Variants in ST18 observed in about 807,000 individuals in gnomAD.
The protein encoded by ST18 is suppression of tumorigenicity 18 protein.
ST18 carries 50 observed loss-of-function variants against 110.0 expected under a neutral mutation model. The observed-to-expected ratio is 0.45, with a 90% CI of 0.36 to 0.58. The LOEUF is 0.58. Ranked by LOEUF, ST18 falls within the 20% of genes least tolerant of loss-of-function variation. The pLI is 0.00. For missense variants in ST18, 1,306 were observed against 1,280.1 expected (o/e 1.02, Z -0.31); for synonymous variants, 461 against 452.4 (o/e 1.02, Z -0.24).
chr8:52,408,552 G>C (rs770796647), intron 2 of ST18, among the ~76,000 whole-genome samples: 2 of 152,190 alleles, frequency 1.3e-5, no homozygotes, highest in Non-Finnish European at 2.9e-5. Flanking sequence ...CTAACGTTAT[G>C]TGTATATATT....
chr8:52,375,741 C>T (rs1832082738), intron 2 of ST18, among the ~76,000 whole-genome samples: 1 of 152,188 alleles, frequency 6.6e-6, no homozygotes, highest in African/African-American at 2.4e-5. Flanking sequence ...GCACTCCACA[C>T]TCACATCGAC....
At chr8:52,136,445 G>T in intron 19 of ST18, 145 bp downstream of exon 19, 1 of 718,352 alleles carries the variant, frequency 1.4e-6, no homozygotes, top group Non-Finnish European at 2.4e-6. Flanking sequence ...TCATCCCAGC[G>T]CTTTAGTCAG....
At chr8:52,219,023 C>T (rs2136276222) in intron 5 of ST18, among the ~76,000 whole-genome samples, 1 of 152,088 alleles carries the variant, frequency 6.6e-6, no homozygotes, top group Admixed American at 6.5e-5. Flanking sequence ...ATGGCTAGGC[C>T]CAGACCACCA....
intron 3 of ST18, among the ~76,000 whole-genome samples, chr8:52,225,591 C>A (rs78357199): frequency 5.3e-5 from 8 of 152,188 alleles, no homozygotes; most frequent in African/African-American, 1.9e-4. Context: ...GTTTTATCAG[C>A]AGCAAGCAGG....
rs528993649 is a variant in ST18 at position 52,178,465 on chromosome 8, A to G, written c.277+1657T>C. 8.5e-4 allele frequency among the ~76,000 whole-genome samples: 129 copies of G among 151,772 alleles called. No individual in the cohort carries two copies. In the Middle Eastern group the frequency reaches 0.01, roughly 12 times the overall value. ...AACATAGTGAAACCCTGTCTCTACC[A>G]AAAATACAAAAATTAGCTGGGTGTG... is the stretch of plus-strand genomic sequence containing the variant. On this transcript the variant is annotated intron_variant, in intron 9 of 25. Coordinates refer to ENST00000689386, the MANE Select transcript of ST18 (RefSeq NM_001352837.2).
intron 2 of ST18, among the ~76,000 whole-genome samples, chr8:52,347,241 A>G (rs900776954): frequency 6.6e-6 from 1 of 152,264 alleles, no homozygotes; most frequent in Non-Finnish European, 1.5e-5. Flanking sequence ...TTATGATGAC[A>G]TAAAATATAA....
chr8:52,375,857 C>A (rs998841097), intron 2 of ST18, among the ~76,000 whole-genome samples: 2 of 152,142 alleles, frequency 1.3e-5, no homozygotes, highest in African/African-American at 2.4e-5. Context: ...TTCACCAGCT[C>A]CACCCACAGC....
At chr8:52,252,885 T>G (rs2094383513) in intron 2 of ST18, among the ~76,000 whole-genome samples, 1 of 140,334 alleles carries the variant, frequency 7.1e-6, no homozygotes, top group African/African-American at 2.6e-5. Flanking sequence ...AGATGATATT[T>G]GCAAAGAAAA....
chr8:52,168,863 G>A (rs2133616575), intron 10 of ST18, among the ~76,000 whole-genome samples: 1 of 152,310 alleles, frequency 6.6e-6, no homozygotes, highest in East Asian at 1.9e-4. Flanking sequence ...CTTAAAGTCT[G>A]ATTAGGGGAA....
chr8:52,276,288 C>T (rs2095262028), intron 2 of ST18, among the ~76,000 whole-genome samples: 1 of 132,062 alleles, frequency 7.6e-6, no homozygotes, highest in South Asian at 2.6e-4. Context: ...TACACACATA[C>T]CACACAACCA....
chr8:52,374,669 C>T (rs770575965), intron 2 of ST18, among the ~76,000 whole-genome samples: 69 of 152,016 alleles, frequency 4.5e-4, no homozygotes, highest in Non-Finnish European at 9.6e-4. Context: ...GCTCTTTCCC[C>T]AATGCTCTCC....
At chr8:52,391,733 T>A (rs902734016) in intron 2 of ST18, among the ~76,000 whole-genome samples, 1 of 152,158 alleles carries the variant, frequency 6.6e-6, no homozygotes, top group African/African-American at 2.4e-5. Flanking sequence ...TGCAGGACAA[T>A]GAAATCACCT....
intron 18 of ST18, among the ~76,000 whole-genome samples, chr8:52,137,133 T>C (rs955186057): frequency 6.6e-6 from 1 of 152,224 alleles, no homozygotes; most frequent in Non-Finnish European, 1.5e-5. Flanking sequence ...TTTGAGTCAC[T>C]GTTGTATTTA....
chr8:52,338,202 G>A (rs1813062119), intron 2 of ST18, among the ~76,000 whole-genome samples: 2 of 152,024 alleles, frequency 1.3e-5, no homozygotes, highest in Admixed American at 6.6e-5. Context: ...GGGATTACAG[G>A]CATGTGCCAC....
At chr8:52,370,947 G>A (rs1165540588) in intron 2 of ST18, among the ~76,000 whole-genome samples, 2 of 152,196 alleles carry the variant, frequency 1.3e-5, no homozygotes, top group African/African-American at 2.4e-5. Flanking sequence ...AAATGTAGTG[G>A]CTTTTATAGT....
chr8:52,170,405 C>G (rs942548716), intron 10 of ST18, among the ~76,000 whole-genome samples: 1 of 151,172 alleles, frequency 6.6e-6, no homozygotes, highest in African/African-American at 2.4e-5. Context: ...TGAGCCGACA[C>G]GGCGCCACTG....
intron 2 of ST18, among the ~76,000 whole-genome samples, chr8:52,352,509 T>C (rs1379040841): frequency 6.6e-6 from 1 of 152,230 alleles, no homozygotes; most frequent in Non-Finnish European, 1.5e-5. Context: ...TCTCTGCATA[T>C]TTATGACTTT....
At chr8:52,363,198 G>A (rs112927671) in intron 2 of ST18, among the ~76,000 whole-genome samples, 3,373 of 152,066 alleles carry the variant, frequency 0.022, 47 homozygotes, top group Non-Finnish European at 0.032. Context: ...GCGACAGAGC[G>A]AGACTCCATC....
chr8:52,287,129 A>G (rs1380401966), intron 2 of ST18, among the ~76,000 whole-genome samples: 1 of 152,262 alleles, frequency 6.6e-6, no homozygotes, highest in African/African-American at 2.4e-5. Context: ...CTAGAATTTC[A>G]GTAAGCCTTT....
Sources: gnomAD v4.1 joint callset for allele counts (sites outside exome capture counted in the v4.1 genomes callset) on GRCh38, gnomAD v4.1.1 for gene constraint, MANE v1.5 for transcripts, NCBI Gene and HGNC (gene_info 2026-07-23, HGNC 2026-07-21) for gene names.